Variants in FMNL2 observed in about 807,000 individuals in gnomAD.
FMNL2 encodes formin-like protein 2.
In FMNL2, 51 loss-of-function variants were observed where a neutral mutation model predicts 130.2. The ratio of observed to expected loss-of-function variants is 0.39; its 90% CI spans 0.31 to 0.49. The LOEUF (loss-of-function observed/expected upper bound fraction) is 0.49. FMNL2 is among the 20% of genes least tolerant of loss of function. The pLI is 0.85. For synonymous variants in FMNL2, 465 were observed against 467.1 expected (o/e 1.00, Z 0.06); for missense variants, 977 against 1,316.2 (o/e 0.74, Z 3.99).
At chr2:152,535,335 C>T (rs1693937698) in intron 2 of FMNL2, among the ~76,000 whole-genome samples, 1 of 152,216 alleles carries the variant, frequency 6.6e-6, no homozygotes, top group Admixed American at 6.5e-5. Flanking sequence ...TATCTGTGCA[C>T]TGCCTGCCTT....
intron 7 of FMNL2, among the ~76,000 whole-genome samples, chr2:152,575,452 A>C (rs1329199439): frequency 1.1e-4 from 1 of 8,818 alleles, no homozygotes; most frequent in Non-Finnish European, 2.7e-4. Flanking sequence ...CAACCAAACA[A>C]AAAAAAAAAC....
rs181021457 is a variant in FMNL2, at chr2:152,573,211, A to G, written c.597-1925A>G. Among the ~76,000 whole-genome samples the G allele has an allele frequency of 1.2e-3, 190 of 152,374 alleles. 1 individual carries two copies. The highest frequency in any genetic ancestry group is 0.01 in the Middle Eastern group (3 of 294). On this transcript the variant is annotated intron_variant, in intron 6 of 25. Transcript: ENST00000288670. ...ACTGTGTTCTGTAAGAGATGCCTAT[A>G]TGCTGCTGTTTTTGACAAACTAAGC...
At chr2:152,419,378 A>G (rs1200847188) in intron 1 of FMNL2, among the ~76,000 whole-genome samples, 1 of 152,170 alleles carries the variant, frequency 6.6e-6, no homozygotes, top group Admixed American at 6.6e-5. Flanking sequence ...ATAGCCCTCA[A>G]AAAAGGAAGA....
intron 17 of FMNL2, among the ~76,000 whole-genome samples, chr2:152,627,689 T>TAG (rs1681888002): frequency 6.6e-6 from 1 of 152,194 alleles, no homozygotes; most frequent in South Asian, 2.1e-4. Context: ...TAATAGAGAA[T>TAG]AGAGACTGTA....
At chr2:152,450,084 G>A in intron 1 of FMNL2, among the ~76,000 whole-genome samples, 1 of 152,020 alleles carries the variant, frequency 6.6e-6, no homozygotes. Flanking sequence ...AGGCCCGCAA[G>A]GAGTTTCAAT....
intron 23 of FMNL2, 46 bp downstream of exon 23, chr2:152,637,720 C>A: frequency 6.5e-7 from 1 of 1,539,830 alleles, no homozygotes; most frequent in South Asian, 1.1e-5. Context: ...AGCAATTGCC[C>A]TCCTTGAGAT....
chr2:152,503,621 G>A (rs1691984023), intron 1 of FMNL2, among the ~76,000 whole-genome samples: 1 of 152,134 alleles, frequency 6.6e-6, no homozygotes, highest in Non-Finnish European at 1.5e-5. Context: ...GTTTGGGGGT[G>A]TGTTGGGGGC....
intron 9 of FMNL2, among the ~76,000 whole-genome samples, chr2:152,594,668 G>A (rs1040552123): frequency 3.3e-5 from 5 of 152,190 alleles, no homozygotes. Flanking sequence ...GCTTTTGAAA[G>A]ATGGAGCTTT....
intron 9 of FMNL2, among the ~76,000 whole-genome samples, chr2:152,604,756 T>TG (rs1200335349): frequency 2.0e-5 from 3 of 152,068 alleles, no homozygotes; most frequent in Non-Finnish European, 4.4e-5. Flanking sequence ...CCACCACTCC[T>TG]GGCTAATTTT....
chr2:152,377,079 T>C (rs996568571), intron 1 of FMNL2, among the ~76,000 whole-genome samples: 3 of 152,260 alleles, frequency 2.0e-5, no homozygotes, highest in Non-Finnish European at 4.4e-5. Flanking sequence ...TGAATAGGAA[T>C]AGTGATGACC....
chr2:152,375,867 CTCTCTCTCTCTA>C (rs1684127015), intron 1 of FMNL2, among the ~76,000 whole-genome samples: 1 of 113,132 alleles, frequency 8.8e-6, no homozygotes, highest in Non-Finnish European at 1.7e-5. Flanking sequence ...CTCTCTCTCT[CTCTCTCTCTCTA>C]TATATATATA....
At chr2:152,402,843 A>G (rs1252207695) in intron 1 of FMNL2, among the ~76,000 whole-genome samples, 2 of 152,170 alleles carry the variant, frequency 1.3e-5, no homozygotes, top group East Asian at 1.9e-4. Flanking sequence ...ATAATTAGCT[A>G]AAGTCTGTGC....
At chr2:152,574,963 A>G (rs1696394149) in intron 6 of FMNL2, among the ~76,000 whole-genome samples, 173 bp from the exon 7 acceptor site, 1 of 152,204 alleles carries the variant, frequency 6.6e-6, no homozygotes, top group South Asian at 2.1e-4. Context: ...AAAGTGACAC[A>G]TTATAAAGCT....
At chr2:152,533,086 A>G (rs1693797277) in intron 2 of FMNL2, among the ~76,000 whole-genome samples, 1 of 152,214 alleles carries the variant, frequency 6.6e-6, no homozygotes, top group South Asian at 2.1e-4. Flanking sequence ...TTCTGATTAA[A>G]TTGAATTTAT....
intron 1 of FMNL2, among the ~76,000 whole-genome samples, chr2:152,484,787 A>G (rs1234061301): frequency 3.3e-5 from 5 of 151,858 alleles, no homozygotes; most frequent in Non-Finnish European, 7.4e-5. Context: ...AAAGAGAGCT[A>G]TCAATGGCTT....
In FMNL2 at chr2:152,628,507, G is replaced by T. The variant is rs369771939; in HGVS notation, c.2374G>T (p.Ala792Ser). The change falls in exon 18 of 26, where the codon GCT becomes TCT. Residue 792 changes from alanine to serine, a missense_variant. Physicochemically the swap from Ala to Ser is moderately conservative, Grantham distance 99. Coordinates refer to ENST00000288670, the MANE Select transcript of FMNL2 (RefSeq NM_052905.4). ...CATCATGGCCTTCATTGGGAACTTT[G>T]CTGAAAGCATTCAGATGCTGACTCC... ...MTIMAFIGNF[A>S]ESIQMLTPQL... 6.2e-7 allele frequency: 1 copy of T among 1,614,020 alleles called. No homozygotes were observed. Among genetic ancestry groups the T allele is most frequent in the Middle Eastern group, 1.6e-4 (1 of 6,062 alleles).
intron 1 of FMNL2, among the ~76,000 whole-genome samples, chr2:152,471,315 CA>C (rs1389428161): frequency 6.6e-6 from 1 of 152,134 alleles, no homozygotes; most frequent in African/African-American, 2.4e-5. Context: ...AATGCAGTTA[CA>C]AATCAGTTTT....
intron 1 of FMNL2, among the ~76,000 whole-genome samples, chr2:152,368,948 G>A (rs963859343): frequency 9.9e-5 from 15 of 152,162 alleles, no homozygotes; most frequent in African/African-American, 3.1e-4. Flanking sequence ...GTTTTTTAAG[G>A]CATCAGGGTT....
chr2:152,622,987 T>C (rs1681467385), intron 15 of FMNL2, among the ~76,000 whole-genome samples: 1 of 152,098 alleles, frequency 6.6e-6, no homozygotes, highest in Non-Finnish European at 1.5e-5. Context: ...GGGGACACAG[T>C]GTGTCCAGTG....
Sources: gnomAD v4.1 joint callset for allele counts (sites outside exome capture counted in the v4.1 genomes callset) on GRCh38, gnomAD v4.1.1 for gene constraint, MANE v1.5 for transcripts, NCBI Gene and HGNC (gene_info 2026-07-23, HGNC 2026-07-21) for gene names.